MGST2: variants seen among roughly 807,000 people sequenced by gnomAD.
The protein encoded by MGST2 is glutathione peroxidase MGST2.
A neutral mutation model predicts 16.6 loss-of-function variants in MGST2; 9 were observed. That is an observed-to-expected ratio of 0.54 (90% CI 0.33 to 0.95). MGST2 has a LOEUF of 0.95. Among genes scored for constraint, MGST2 ranks in the 40% least tolerant of loss-of-function variants. The pLI, the probability that MGST2 is intolerant of heterozygous loss-of-function variation, is 0.03. For synonymous variants in MGST2, 79 were observed against 68.0 expected (o/e 1.16, Z -0.79); for missense variants, 159 against 175.1 (o/e 0.91, Z 0.52).
downstream of MGST2, among the ~76,000 whole-genome samples, chr4:139,744,887 G>A (rs1175246371): frequency 6.6e-6 from 1 of 152,216 alleles, no homozygotes; most frequent in African/African-American, 2.4e-5. Context: ...GTGGCATGGC[G>A]TAGAAATAGG....
At chr4:139,750,973 C>T in the MGST2 span, among the ~76,000 whole-genome samples, 3 of 152,200 alleles carry the variant, frequency 2.0e-5, no homozygotes, top group African/African-American at 4.8e-5. Context: ...CTATTTGGAA[C>T]ACCTGGCAAG....
chr4:139,673,216 A>G (rs1158007296), intron 1 of MGST2, among the ~76,000 whole-genome samples: 1 of 152,182 alleles, frequency 6.6e-6, no homozygotes, highest in Non-Finnish European at 1.5e-5. Context: ...AATAATGTGA[A>G]GCGAAATAAT....
At chr4:139,705,447 T>G (rs1056748381), downstream of MGST2, among the ~76,000 whole-genome samples, 1 of 152,140 alleles carries the variant, frequency 6.6e-6, no homozygotes, top group Admixed American at 6.5e-5. Context: ...GGCTGTGACA[T>G]CAGCAAGCTT....
At chr4:139,687,064 C>T (rs931386684) in intron 2 of MGST2, among the ~76,000 whole-genome samples, 7 of 152,212 alleles carry the variant, frequency 4.6e-5, no homozygotes, top group African/African-American at 9.7e-5. Flanking sequence ...AAGTATTTCT[C>T]TCAAGTTACT....
intron 5 of MGST2, among the ~76,000 whole-genome samples, chr4:139,733,343 C>T (rs1480578434): frequency 1.3e-5 from 2 of 152,094 alleles, no homozygotes; most frequent in Non-Finnish European, 2.9e-5. Context: ...TCTGGGATGG[C>T]CCTGTTTATC....
At chr4:139,730,415 C>T in intron 5 of MGST2, 1 of 1,535,506 alleles carries the variant, frequency 6.5e-7, no homozygotes, top group South Asian at 1.2e-5. Context: ...GGGCATGTTA[C>T]CTGTTCCGCC....
rs1728932055 is a variant in MGST2 at position 139,736,081 on chromosome 4, C to T, written c.*49-4131C>T. ...CAATGCATAAACAAAAAGGATGCCC[C>T]AGAAAACCTGTGCTTTTCAGACACA... On this transcript the variant is annotated intron_variant, in intron 5 of 5. Transcript: ENST00000616265. Among the ~76,000 whole-genome samples the T allele has an allele frequency of 3.9e-5, 6 of 152,122 alleles. 1 individual carries two copies. Among genetic ancestry groups the T allele is most frequent in the Admixed American group, 3.9e-4 (6 of 15,274 alleles).
chr4:139,721,349 A>T lies in MGST2; in HGVS notation c.*48+17153A>T, dbSNP rs536172731. On this transcript the variant is annotated intron_variant, in intron 5 of 5. Coordinates refer to the MGST2 transcript ENST00000616265. ...CGTTGCAAAGGTCTAGGAGGTACAC[A>T]AAAACGGATTTTTCTATGTCCCTGC... Among the ~76,000 whole-genome samples the T allele has an allele frequency of 2.0e-5, 3 of 152,332 alleles. No individual in the cohort carries two copies. The East Asian group carries it at 5.8e-4, about 29-fold the overall frequency.
chr4:139,753,836 G>T, the MGST2 span, among the ~76,000 whole-genome samples: 19 of 152,156 alleles, frequency 1.2e-4, no homozygotes, highest in African/African-American at 4.3e-4. Context: ...AGACGCACGG[G>T]TATGGCTGGC....
At chr4:139,692,010 A>G (rs530996543) in intron 2 of MGST2, among the ~76,000 whole-genome samples, 33 of 152,170 alleles carry the variant, frequency 2.2e-4, no homozygotes, top group Middle Eastern at 3.4e-3. Flanking sequence ...ATTATTTTCA[A>G]TCTCTGAGAG....
At chr4:139,668,456 A>C (rs781129926) in intron 1 of MGST2, among the ~76,000 whole-genome samples, 4 of 152,206 alleles carry the variant, frequency 2.6e-5, no homozygotes, top group Admixed American at 6.5e-5. Context: ...TTTTAGGGTA[A>C]AATACTTCAA....
intron 2 of MGST2, among the ~76,000 whole-genome samples, chr4:139,679,524 T>C (rs932741398): frequency 1.3e-5 from 2 of 152,062 alleles, no homozygotes; most frequent in African/African-American, 4.8e-5. Flanking sequence ...AATCTGGGCC[T>C]AATGTTTTTC....
intron 2 of MGST2, among the ~76,000 whole-genome samples, chr4:139,694,827 G>A (rs1195974934): frequency 6.6e-6 from 1 of 152,176 alleles, no homozygotes; most frequent in Non-Finnish European, 1.5e-5. Context: ...AACTCAAGTG[G>A]AAGGCAATGG....
At chr4:139,708,968 C>G (rs1264104439), downstream of MGST2, among the ~76,000 whole-genome samples, 1 of 137,318 alleles carries the variant, frequency 7.3e-6, no homozygotes, top group African/African-American at 2.8e-5. Context: ...CACTGCACTC[C>G]AGCCTGGGCA....
downstream of MGST2, among the ~76,000 whole-genome samples, chr4:139,707,376 T>G (rs1299409667): frequency 6.6e-6 from 1 of 152,186 alleles, no homozygotes; most frequent in African/African-American, 2.4e-5. Flanking sequence ...ACAAAGGACA[T>G]GAACTCTTCA....
At chr4:139,683,952 T>G (rs1579303981) in intron 2 of MGST2, among the ~76,000 whole-genome samples, 1 of 126,198 alleles carries the variant, frequency 7.9e-6, no homozygotes. Context: ...TGAGATGGAG[T>G]CTCACCCTGT....
intron 5 of MGST2, among the ~76,000 whole-genome samples, chr4:139,729,620 G>A (rs1284539212): frequency 6.6e-6 from 1 of 152,168 alleles, no homozygotes. Flanking sequence ...CCTCACAGAA[G>A]CCGCCTGGGG....
rs1728688275 is a variant in MGST2, at chr4:139,731,063, T to C, written c.*49-9149T>C. 1.6e-5 allele frequency: 3 copies of C among 188,372 alleles called. No individual in the cohort carries two copies. In the South Asian group the frequency reaches 4.7e-4, roughly 29 times the overall value. 11.7% of individuals were successfully genotyped at this position (188,372 alleles called of 1,614,324 possible). On this transcript the variant is annotated intron_variant, in intron 5 of 5. Coordinates refer to the MGST2 transcript ENST00000616265. ...CTGACCTCACCTGTTAATCCTTATTTCTTACTGTCTACTTGGCCAAAATGG... is the reference window on the plus strand; with the variant it reads ...CTGACCTCACCTGTTAATCCTTATTCCTTACTGTCTACTTGGCCAAAATGG...
At chr4:139,710,254 C>T (rs183495858) in intron 5 of MGST2, among the ~76,000 whole-genome samples, 3 of 152,210 alleles carry the variant, frequency 2.0e-5, no homozygotes, top group Non-Finnish European at 2.9e-5. Context: ...GTTCCTTAAT[C>T]ACCAGTGAAA....
Sources: allele counts gnomAD v4.1 joint callset (sites outside exome capture counted in the v4.1 genomes callset), GRCh38; gene constraint gnomAD v4.1.1; transcripts MANE v1.5; gene names NCBI Gene and HGNC (gene_info 2026-07-23, HGNC 2026-07-21).